The following ZNF268 variants were observed in gnomAD, a reference collection of about 807,000 sequenced individuals.
The protein encoded by ZNF268 is zinc finger protein 268, also known as zinc finger protein 3.
ZNF268 carries 20 observed loss-of-function variants against 29.3 expected under a neutral mutation model. The ratio of observed to expected loss-of-function variants is 0.68; its 90% confidence interval spans 0.48 to 0.99. The LOEUF is 0.99. Ranked by LOEUF, ZNF268 falls within the 50% of genes least tolerant of loss-of-function variation. ZNF268 has a pLI of 0.00. For missense variants in ZNF268, 1,240 were observed against 1,121.6 expected, an observed-to-expected ratio of 1.11 and a Z score of -1.51; for synonymous variants, 429 against 376.9, an observed-to-expected ratio of 1.14 and a Z score of -1.60.
intron 4 of ZNF268, 23 bp from the exon 5 acceptor site, chr12:133,191,885 G>C: frequency 6.2e-7 from 1 of 1,608,134 alleles, no homozygotes; most frequent in African/African-American, 1.3e-5. Flanking sequence ...GTTCCAGGTT[G>C]TCTGTGATTT....
rs376618869 is a variant in ZNF268, at chr12:133,203,636, G to A, written c.1950G>A (p.Thr650=). 41 of 1,561,416 alleles carry A rather than the reference G, an allele frequency of 2.6e-5. No individual in the cohort carries two copies. The highest frequency in any genetic ancestry group is 1.5e-4 in the African/African-American group (11 of 73,504). Residue 650 remains threonine, a synonymous_variant, in exon 6 of 6, where the codon ACG becomes ACA. Coordinates refer to ENST00000536435, the MANE Select transcript of ZNF268 (RefSeq NM_003415.3). ...GTAATGAATGTGGAAAAGCCTTTAC[G>A]TTCAAATCACAGCTCATTGTACATA... ...YSCNECGKAF[T]FKSQLIVHKG... is the part of the protein sequence containing the mutation.
At position 133,204,551 on chromosome 12, in the gene ZNF268, A is replaced by G; in HGVS notation, c.*21A>G. 2 of 1,455,250 alleles carry G rather than the reference A, an allele frequency of 1.4e-6. No homozygotes were observed. Among genetic ancestry groups the G allele is most frequent in the Non-Finnish European group, 1.8e-6 (2 of 1,101,846 alleles). 90.1% of individuals were successfully genotyped at this position (1,455,250 alleles called of 1,614,324 possible). Reference sequence around the variant, plus strand: ...ATTGATAATTTTACGAAACTCTGAAAAGTGGATTCACAAGAGATAGAAACA... The same window carrying G: ...ATTGATAATTTTACGAAACTCTGAAGAGTGGATTCACAAGAGATAGAAACA... On this transcript the variant is annotated 3_prime_UTR_variant, in exon 6 of 6. Transcript: ENST00000536435.
At chr12:133,200,173 A>C (rs1956716633) in intron 5 of ZNF268, among the ~76,000 whole-genome samples, 1 of 152,286 alleles carries the variant, frequency 6.6e-6, no homozygotes. Context: ...TTAGTGCTAT[A>C]AATTTCCCTC....
intron 4 of ZNF268, 89 bp from the exon 5 acceptor site, chr12:133,191,819 C>A: frequency 6.6e-7 from 1 of 1,522,640 alleles, no homozygotes; most frequent in Non-Finnish European, 9.1e-7. Context: ...CTTCATCATG[C>A]TACCTCCAAA....
intron 5 of ZNF268, among the ~76,000 whole-genome samples, chr12:133,195,594 C>G (rs1190170355): frequency 2.6e-5 from 4 of 152,114 alleles, no homozygotes; most frequent in African/African-American, 9.7e-5. Context: ...GTAGTCCCAG[C>G]TACTTGGGAT....
Position 133,187,209 on chromosome 12 carries a change from G to A in ZNF268, c.34-663G>A, listed in dbSNP as rs575383733. Among the ~76,000 whole-genome samples, 5 of 151,368 alleles carry A rather than the reference G, an allele frequency of 3.3e-5. No homozygotes were observed. In the South Asian group the frequency reaches 8.4e-4, roughly 25 times the overall value. ...TAGGCTTTCCCCACTTTTCACCTGT[G>A]CCGCCTTCTAGGTCGTTGGCGCTTT... On this transcript the variant is annotated intron_variant, in intron 2 of 5. Transcript: ENST00000536435.
Position 133,202,701 on chromosome 12 carries a change from A to G in ZNF268, c.1015A>G (p.Lys339Glu). 1 of 1,611,408 alleles carries G rather than the reference A, an allele frequency of 6.2e-7. No individual in the cohort carries two copies. The highest frequency in any genetic ancestry group is 1.1e-5 in the South Asian group (1 of 90,776). Reference protein sequence around the residue: ...EKLHECSECRKTFSFHSQLVI... With the variant: ...EKLHECSECRETFSFHSQLVI... ...ACTACATGAATGCAGTGAATGCAGG[A>G]AAACATTCAGTTTCCATTCACAGCT... The change falls in exon 6 of 6, where the codon AAA becomes GAA. Residue 339 changes from lysine to glutamate, a missense_variant. Physicochemically the swap from Lys to Glu is moderately conservative, Grantham distance 56. Transcript: ENST00000536435.
intron 2 of ZNF268, among the ~76,000 whole-genome samples, chr12:133,183,580 A>G (rs1956230305): frequency 2.0e-5 from 3 of 151,630 alleles, no homozygotes; most frequent in African/African-American, 7.3e-5. Context: ...TAAGAGAGGC[A>G]GAAAAGCCAG....
chr12:133,185,013 G>A (rs1331530948), intron 2 of ZNF268, among the ~76,000 whole-genome samples: 1 of 151,758 alleles, frequency 6.6e-6, no homozygotes, highest in African/African-American at 2.4e-5. Context: ...GCGAAACCTC[G>A]TCTCTACTAA....
rs1458198966 is a variant in ZNF268, at chr12:133,211,942, T to A, written c.*7412T>A. On this transcript the variant is annotated 3_prime_UTR_variant, in exon 6 of 6. Coordinates refer to ENST00000536435, the MANE Select transcript of ZNF268 (RefSeq NM_003415.3). ...GCATGTACTCACGTACAGCAGCTCT[T>A]TTCATAACAGACAAATACTTTAAGG... The A allele has an allele frequency of 6.6e-6, 1 of 152,188 alleles. No homozygotes were observed. Among genetic ancestry groups the A allele is most frequent in the East Asian group, 1.9e-4 (1 of 5,194 alleles). 9.4% of individuals were successfully genotyped at this position (152,188 alleles called of 1,614,324 possible). A position where few individuals can be genotyped will look rare whatever the true frequency, so the allele number is the denominator to read the frequency against.
At position 133,204,155 on chromosome 12, in the gene ZNF268, C is replaced by G; in HGVS notation, c.2469C>G (p.Leu823=). 6.5e-7 allele frequency: 1 copy of G among 1,542,482 alleles called. No individual in the cohort carries two copies. The highest frequency in any genetic ancestry group is 8.7e-7 in the Non-Finnish European group (1 of 1,147,296). The change falls in exon 6 of 6, where the codon CTC becomes CTG. Residue 823 remains leucine (L), a synonymous_variant. Transcript: ENST00000536435. The part of the protein sequence containing the change: ...CGKAFIWKSL[L]IVHERTHAGV... ...AAGCCTTCATTTGGAAATCACTACT[C>G]ATTGTACATGAGCGAACTCATGCAG... is the stretch of plus-strand genomic sequence containing the variant.
intron 2 of ZNF268, among the ~76,000 whole-genome samples, chr12:133,184,253 C>T (rs549456774): frequency 3.3e-5 from 5 of 151,820 alleles, no homozygotes; most frequent in South Asian, 2.1e-4. Context: ...AGGCGTGTGC[C>T]ACCACGCCCA....
Position 133,212,633 on chromosome 12 carries a change from CATT to C in ZNF268, c.*8107_*8109del, listed in dbSNP as rs1372823367. 1.3e-5 allele frequency: 2 copies of C among 151,730 alleles called. No homozygotes were observed. The highest frequency in any genetic ancestry group is 2.4e-5 in the African/African-American group (1 of 41,276). 9.4% of individuals were successfully genotyped at this position (151,730 alleles called of 1,614,324 possible). On this transcript the variant is annotated 3_prime_UTR_variant, in exon 6 of 6. Transcript: ENST00000536435. ...GTGTACACTTCAGTGGCATGAAGTACATTATTTCCATTATTGTGCAACTATCAT... is the reference window on the plus strand; with the variant it reads ...GTGTACACTTCAGTGGCATGAAGTACATTTCCATTATTGTGCAACTATCAT...
In ZNF268 at chr12:133,210,677, C is replaced by G. The variant is rs1229865916; in HGVS notation, c.*6147C>G. 1 of 366,686 alleles carries G rather than the reference C, an allele frequency of 2.7e-6. No individual in the cohort carries two copies. The highest frequency in any genetic ancestry group is 5.5e-6 in the Non-Finnish European group (1 of 183,286). 22.7% of individuals were successfully genotyped at this position (366,686 alleles called of 1,614,324 possible). A position where few individuals can be genotyped will look rare whatever the true frequency, so the allele number is the denominator to read the frequency against. ...TCCGGGTCCTGAGTAGAAGCAAGGT[C>G]TGTTTGTCACTGTGGATTCCCCCCT... On this transcript the variant is annotated 3_prime_UTR_variant, in exon 6 of 6. Transcript: ENST00000536435.
In ZNF268 at chr12:133,214,810, A is replaced by G. The variant is rs1957033397; in HGVS notation, c.*10280A>G. On this transcript the variant is annotated 3_prime_UTR_variant, in exon 6 of 6. Coordinates refer to ENST00000536435, the MANE Select transcript of ZNF268 (RefSeq NM_003415.3). ...TTTATATTGTGTAAATTTTACCTCA[A>G]TAAAAAAATCTAGTCCACAGCATTC... is the stretch of plus-strand genomic sequence containing the variant. 1 of 152,232 alleles carries G rather than the reference A, an allele frequency of 6.6e-6. No homozygotes were observed. The highest frequency in any genetic ancestry group is 1.5e-5 in the Non-Finnish European group (1 of 68,038). 9.4% of individuals were successfully genotyped at this position (152,232 alleles called of 1,614,324 possible). A position where few individuals can be genotyped will look rare whatever the true frequency, so the allele number is the denominator to read the frequency against.
At position 133,206,607 on chromosome 12, in the gene ZNF268, A is replaced by G. The variant is rs539335434; in HGVS notation, c.*2077A>G. On this transcript the variant is annotated 3_prime_UTR_variant, in exon 6 of 6. Transcript: ENST00000536435. ...AGGGCTATCTTGGAGGAATATGCGG[A>G]TTCAATACTGCAAATATTTCTGAAA... 1 of 152,312 alleles carries G rather than the reference A, an allele frequency of 6.6e-6. No homozygotes were observed. The highest frequency in any genetic ancestry group is 2.1e-4 in the South Asian group (1 of 4,830). 9.4% of individuals were successfully genotyped at this position (152,312 alleles called of 1,614,324 possible). A position where few individuals can be genotyped will look rare whatever the true frequency, so the allele number is the denominator to read the frequency against.
chr12:133,202,127 A>G lies in ZNF268; in HGVS notation c.458-17A>G, dbSNP rs368123852. On this transcript the variant is annotated splice_polypyrimidine_tract_variant and intron_variant, in intron 5 of 5. Coordinates refer to ENST00000536435, the MANE Select transcript of ZNF268 (RefSeq NM_003415.3). ...TCATGTGATTTATAACATGTGACCA[A>G]TTGTTCTCATTTCTAGACACAGTCT... The G allele has an allele frequency of 1.6e-5, 24 of 1,543,580 alleles. No individual in the cohort carries two copies. The highest frequency in any genetic ancestry group is 2.8e-5 in the African/African-American group (2 of 72,196).
At chr12:133,192,509 C>G (rs983955538) in intron 5 of ZNF268, among the ~76,000 whole-genome samples, 1 of 152,164 alleles carries the variant, frequency 6.6e-6, no homozygotes, top group Non-Finnish European at 1.5e-5. Flanking sequence ...AGCCTTTCCT[C>G]TTTCCTTCAC....
At chr12:133,195,809 C>G (rs1956578467) in intron 5 of ZNF268, among the ~76,000 whole-genome samples, 1 of 151,694 alleles carries the variant, frequency 6.6e-6, no homozygotes, top group Non-Finnish European at 1.5e-5. Flanking sequence ...CCTCCACCTC[C>G]CAGGTTCAAG....
Sources: allele counts gnomAD v4.1 joint callset (sites outside exome capture counted in the v4.1 genomes callset), GRCh38; gene constraint gnomAD v4.1.1; transcripts MANE v1.5; gene names NCBI Gene and HGNC (gene_info 2026-07-23, HGNC 2026-07-21).